Variants in JCAD observed in about 807,000 individuals in gnomAD.
JCAD encodes the protein junctional cadherin 5 associated.
A neutral mutation model predicts 98.0 loss-of-function variants in JCAD; 40 were observed. The ratio of observed to expected loss-of-function variants is 0.41; its 90% confidence interval spans 0.32 to 0.53. The LOEUF (loss-of-function observed/expected upper bound fraction) is 0.53. Ranked by LOEUF, JCAD falls within the 20% of genes least tolerant of loss-of-function variation. The probability of loss-of-function intolerance (pLI) is 0.31; values close to 1 mark genes in which losing one functional copy is unlikely to be tolerated. For missense variants in JCAD, 1,705 were observed against 1,738.1 expected (o/e 0.98, Z 0.34); for synonymous variants, 691 against 682.3 (o/e 1.01, Z -0.20).
rs187262724 is a variant in JCAD at position 30,020,846 on chromosome 10, G to C, written c.4046-2929C>G. 5.3e-5 allele frequency among the ~76,000 whole-genome samples: 8 copies of C among 152,306 alleles called. No individual in the cohort carries two copies. The East Asian group carries it at 1.3e-3, about 26-fold the overall frequency. ...TGTGCGGTCATGAAATTATGAGAACGTGTGGAAGTCACACTTCGGCTAGTG... is the reference window on the plus strand; with the variant it reads ...TGTGCGGTCATGAAATTATGAGAACCTGTGGAAGTCACACTTCGGCTAGTG... On this transcript the variant is annotated intron_variant, in intron 3 of 3. Coordinates refer to ENST00000375377, the MANE Select transcript of JCAD (RefSeq NM_020848.4).
intron 1 of JCAD, among the ~76,000 whole-genome samples, chr10:30,089,335 A>T (rs1838220195): frequency 6.6e-6 from 1 of 152,148 alleles, no homozygotes; most frequent in Non-Finnish European, 1.5e-5. Context: ...GCTACTGGAG[A>T]GAAGGCAGAG....
At position 30,016,051 on chromosome 10, in the gene JCAD, G is replaced by T. The variant is rs1836524753; in HGVS notation, c.*1832C>A. The T allele has an allele frequency of 6.6e-6, 1 of 152,146 alleles. No individual in the cohort carries two copies. Among genetic ancestry groups the T allele is most frequent in the Non-Finnish European group, 1.5e-5 (1 of 68,030 alleles). 9.4% of individuals were successfully genotyped at this position (152,146 alleles called of 1,614,324 possible). On this transcript the variant is annotated 3_prime_UTR_variant, in exon 4 of 4. Transcript: ENST00000375377. ...CACTTTTCATAAGAGCTGAATTCTGGACTGCAGATAAGTGTTTTGAAAAGG... is the reference window on the plus strand; with the variant it reads ...CACTTTTCATAAGAGCTGAATTCTGTACTGCAGATAAGTGTTTTGAAAAGG...
chr10:30,110,717 C>T (rs1838680294), intron 1 of JCAD, among the ~76,000 whole-genome samples: 1 of 151,420 alleles, frequency 6.6e-6, no homozygotes, highest in South Asian at 2.1e-4. Context: ...GTATGGACCC[C>T]TGGTATATAG....
intron 1 of JCAD, among the ~76,000 whole-genome samples, chr10:30,110,686 CT>C (rs995910209): frequency 5.3e-5 from 8 of 151,564 alleles, no homozygotes; most frequent in African/African-American, 1.9e-4. Context: ...GTATGGACCC[CT>C]GATATATGGA....
chr10:30,028,059 C>G lies in JCAD; in HGVS notation c.2089G>C (p.Glu697Gln), dbSNP rs775010422. 8 of 1,614,102 alleles carry G rather than the reference C, an allele frequency of 5.0e-6. No homozygotes were observed. The highest frequency in any genetic ancestry group is 5.9e-6 in the Non-Finnish European group (7 of 1,180,050). The change falls in exon 3 of 4, where the codon GAG (glutamate) becomes CAG (glutamine). Residue 697 changes from glutamate (E) to glutamine (Q), a missense_variant. Physicochemically the swap from Glu to Gln is conservative, Grantham distance 29. Transcript: ENST00000375377. Reference protein sequence around the residue: ...RDQQTQTSFSEEPQSSQLLPG... With the variant: ...RDQQTQTSFSQEPQSSQLLPG... ...AGCAGCTGCGAACTTTGGGGCTCCT[C>G]GGAGAAACTGGTTTGTGTTTGCTGA...
chr10:30,013,622 G>A lies in JCAD; in HGVS notation c.*4261C>T, dbSNP rs1836470961. ...GCTCTGCTGCGGGGCAGGGGTGAAG[G>A]GAGGTGGAAGAAAGAAGAGATGGTC... On this transcript the variant is annotated 3_prime_UTR_variant, in exon 4 of 4. Coordinates refer to ENST00000375377, the MANE Select transcript of JCAD (RefSeq NM_020848.4). 6.6e-6 allele frequency: 1 copy of A among 152,290 alleles called. No individual in the cohort carries two copies. Among genetic ancestry groups the A allele is most frequent in the Admixed American group, 6.5e-5 (1 of 15,278 alleles). 9.4% of individuals were successfully genotyped at this position (152,290 alleles called of 1,614,324 possible). A position where few individuals can be genotyped will look rare whatever the true frequency, so the allele number is the denominator to read the frequency against.
rs1277891705 is a variant in JCAD, at chr10:30,103,894, G to A, written n.128+11473C>T. ...TTACAGGCATGCACCATCACGCTTG[G>A]CTAATTTTTTGTATTATTTTAATTT... On this transcript the variant is annotated intron_variant and non_coding_transcript_variant, in intron 1 of 2. Transcript: ENST00000465712. Among the ~76,000 whole-genome samples, 4 of 152,112 alleles carry A rather than the reference G, an allele frequency of 2.6e-5. No homozygotes were observed. In the East Asian group the frequency reaches 7.7e-4, roughly 29 times the overall value.
rs1219301474 is a variant in JCAD, at chr10:30,029,612, G to C, written c.536C>G (p.Ala179Gly). 6.2e-7 allele frequency: 1 copy of C among 1,614,202 alleles called. No individual in the cohort carries two copies. Among genetic ancestry groups the C allele is most frequent in the East Asian group, 2.2e-5 (1 of 44,876 alleles). ...TTCCAGGCTGACGTTCTGCCACTTG[G>C]CAGGACCTGACATTCGCAATTCTTC... ...WEEELRMSGP[A>G]KWQNVSLESW... The change falls in exon 3 of 4, where the codon GCC becomes GGC. Residue 179 changes from alanine to glycine, a missense_variant. Coordinates refer to ENST00000375377, the MANE Select transcript of JCAD (RefSeq NM_020848.4).
rs1427860237 is a variant in JCAD at position 30,028,345 on chromosome 10, A to G, written c.1803T>C (p.Asn601=). The G allele has an allele frequency of 6.2e-7, 1 of 1,614,148 alleles. No homozygotes were observed. The highest frequency in any genetic ancestry group is 8.5e-7 in the Non-Finnish European group (1 of 1,180,026). The change falls in exon 3 of 4, where the codon AAT becomes AAC. Residue 601 remains asparagine (N), a synonymous_variant. Coordinates refer to ENST00000375377, the MANE Select transcript of JCAD (RefSeq NM_020848.4). ...TTTGATCAGCACTGGGCTTTAAGTCATTGTTGTCCATATCTCTATCTGGCA... is the reference window on the plus strand; with the variant it reads ...TTTGATCAGCACTGGGCTTTAAGTCGTTGTTGTCCATATCTCTATCTGGCA... ...SHLPDRDMDN[N]DLKPSADQKN... is the part of the protein sequence containing the mutation.
chr10:30,108,600 T>C (rs1354925715), intron 1 of JCAD, among the ~76,000 whole-genome samples: 2 of 152,158 alleles, frequency 1.3e-5, no homozygotes, highest in African/African-American at 4.8e-5. Flanking sequence ...TATCCCAACA[T>C]TTAGTTGTCA....
chr10:30,112,151 T>G (rs966312546), intron 1 of JCAD, among the ~76,000 whole-genome samples: 6 of 152,150 alleles, frequency 3.9e-5, no homozygotes, highest in African/African-American at 1.4e-4. Flanking sequence ...GGAGGACCGA[T>G]GCAGGCTACC....
At chr10:30,045,925 A>G (rs769587839) in intron 2 of JCAD, among the ~76,000 whole-genome samples, 1 of 152,208 alleles carries the variant, frequency 6.6e-6, no homozygotes, top group Non-Finnish European at 1.5e-5. Context: ...TGCTCTGACT[A>G]AAAACAAAAT....
At chr10:30,057,246 T>C (rs1837589652) in intron 1 of JCAD, among the ~76,000 whole-genome samples, 1 of 152,252 alleles carries the variant, frequency 6.6e-6, no homozygotes, top group South Asian at 2.1e-4. Context: ...TGGTGTTTAC[T>C]GTCCTCCCAA....
Position 30,028,234 on chromosome 10 carries a change from T to A in JCAD, c.1914A>T (p.Thr638=). 1 of 1,614,182 alleles carries A rather than the reference T, an allele frequency of 6.2e-7. No homozygotes were observed. The highest frequency in any genetic ancestry group is 8.5e-7 in the Non-Finnish European group (1 of 1,180,024). The change falls in exon 3 of 4, where the codon ACA becomes ACT. Residue 638 remains threonine, a synonymous_variant. Coordinates refer to ENST00000375377, the MANE Select transcript of JCAD (RefSeq NM_020848.4). ...ACTCCGTTCTCCCACCCATGCTTCCTGTGAGGGCCTGCAGCTCCAGGTCGG... is the reference window on the plus strand; with the variant it reads ...ACTCCGTTCTCCCACCCATGCTTCCAGTGAGGGCCTGCAGCTCCAGGTCGG... ...SSTDLELQAL[T]GSMGGRTEFQ...
At chr10:30,047,169 C>G (rs758237715) in intron 2 of JCAD, among the ~76,000 whole-genome samples, 2 of 151,940 alleles carry the variant, frequency 1.3e-5, no homozygotes, top group Admixed American at 6.6e-5. Flanking sequence ...GTCAGGAGTT[C>G]GAGACCAGCC....
At position 30,027,977 on chromosome 10, in the gene JCAD, T is replaced by C; in HGVS notation, c.2171A>G (p.Asp724Gly). 1 of 1,614,168 alleles carries C rather than the reference T, an allele frequency of 6.2e-7. No individual in the cohort carries two copies. Among genetic ancestry groups the C allele is most frequent in the Non-Finnish European group, 8.5e-7 (1 of 1,180,028 alleles). The change falls in exon 3 of 4, where the codon GAC becomes GGC. Residue 724 changes from aspartate to glycine, a missense_variant. Around this residue, in one of 3 missense-constraint regions of JCAD, gnomAD observed 1,278 missense variants for 1,243.1 expected, o/e 1.03. Coordinates refer to ENST00000375377, the MANE Select transcript of JCAD (RefSeq NM_020848.4). ...CGTCTGAGCTTCGGAGGCAGCAGGG[T>C]CTGAACATTTTGGACTCAATGCTGC... Reference protein sequence around the residue: ...SRAALSPKCSDPAASEAQTHT... With the variant: ...SRAALSPKCSGPAASEAQTHT...
chr10:30,106,266 T>C (rs556841152), intron 1 of JCAD, among the ~76,000 whole-genome samples: 24 of 151,796 alleles, frequency 1.6e-4, no homozygotes, highest in Admixed American at 2.6e-4. Context: ...CTACAAAAAA[T>C]AAAAAATATA....
intron 1 of JCAD, among the ~76,000 whole-genome samples, chr10:30,048,119 C>T (rs766864980): frequency 6.6e-6 from 1 of 152,184 alleles, no homozygotes; most frequent in Non-Finnish European, 1.5e-5. Context: ...CCTTCGATGG[C>T]TGCCTCTGGT....
At chr10:30,031,687 C>T (rs1387746785) in intron 2 of JCAD, among the ~76,000 whole-genome samples, 1 of 151,720 alleles carries the variant, frequency 6.6e-6, no homozygotes, top group Non-Finnish European at 1.5e-5. Flanking sequence ...AGTCTTCCGC[C>T]CACCTCGGCC....
Sources: gnomAD v4.1 joint callset for allele counts (sites outside exome capture counted in the v4.1 genomes callset) on GRCh38, gnomAD v4.1.1 for gene constraint, gnomAD v4.1.1 regional missense constraint, MANE v1.5 for transcripts, NCBI Gene and HGNC (gene_info 2026-07-23, HGNC 2026-07-21) for gene names.